SCG5: variants seen among roughly 807,000 people sequenced by gnomAD.
SCG5 encodes secretogranin V.
Under a neutral mutation model 25.7 loss-of-function variants are expected in SCG5, and 18 were observed. The observed-to-expected ratio is 0.70, with a 90% CI of 0.48 to 1.04. SCG5 has a LOEUF of 1.04. SCG5 is among the 50% of genes least tolerant of loss of function. The pLI is 0.00. For missense variants in SCG5, 206 were observed against 259.8 expected (o/e 0.79, Z 1.42); for synonymous variants, 101 against 91.7 (o/e 1.10, Z -0.58).
At chr15:32,643,319 G>A (rs2053895338) in intron 1 of SCG5, among the ~76,000 whole-genome samples, 1 of 152,182 alleles carries the variant, frequency 6.6e-6, no homozygotes, top group South Asian at 2.1e-4. Context: ...AAAATTATGA[G>A]TGAGAACCGC....
At chr15:32,667,699 GTC>G (rs2054343291) in intron 2 of SCG5, among the ~76,000 whole-genome samples, 1 of 147,876 alleles carries the variant, frequency 6.8e-6, no homozygotes, top group Non-Finnish European at 1.5e-5. Context: ...TTGAGACAGA[GTC>G]TCACTGTGTC....
At chr15:32,669,159 T>A (rs1321363776) in intron 2 of SCG5, 2 of 152,186 alleles carry the variant, frequency 1.3e-5, no homozygotes, top group Non-Finnish European at 2.9e-5. Flanking sequence ...GCACTCATTA[T>A]CATGTTAGTA....
chr15:32,665,578 A>T (rs970531032), intron 2 of SCG5: 3 of 152,172 alleles, frequency 2.0e-5, no homozygotes, highest in Non-Finnish European at 4.4e-5. Flanking sequence ...AAAATCAAGT[A>T]CTATTTGTCT....
chr15:32,649,476 A>G (rs1280885234), intron 2 of SCG5, among the ~76,000 whole-genome samples: 1 of 152,332 alleles, frequency 6.6e-6, no homozygotes, highest in African/African-American at 2.4e-5. Flanking sequence ...CCCTTTGTAC[A>G]GCGCCTACCA....
At chr15:32,664,195 G>A (rs2054283950) in intron 2 of SCG5, among the ~76,000 whole-genome samples, 1 of 152,138 alleles carries the variant, frequency 6.6e-6, no homozygotes, top group Admixed American at 6.5e-5. Flanking sequence ...TTTCATAGTA[G>A]AGAAAATGAG....
At position 32,696,640 on chromosome 15, in the gene SCG5, C is replaced by A; in HGVS notation, c.*31C>A. 1 of 1,401,184 alleles carries A rather than the reference C, an allele frequency of 7.1e-7. No individual in the cohort carries two copies. Among genetic ancestry groups the A allele is most frequent in the Non-Finnish European group, 1.0e-6 (1 of 992,328 alleles). 86.8% of individuals were successfully genotyped at this position (1,401,184 alleles called of 1,614,324 possible). A position where few individuals can be genotyped will look rare whatever the true frequency, so the allele number is the denominator to read the frequency against. ...AGATGCTAGACGAAAACCCACATTA[C>A]CTGTTAGGCCTCAGCATGGCTTATG... On this transcript the variant is annotated 3_prime_UTR_variant, in exon 6 of 6. Coordinates refer to ENST00000300175, the MANE Select transcript of SCG5 (RefSeq NM_001144757.3).
In SCG5 at chr15:32,684,589, A is replaced by G. The variant is rs745673808; in HGVS notation, c.409A>G (p.Thr137Ala). The G allele has an allele frequency of 6.2e-7, 1 of 1,613,664 alleles. No individual in the cohort carries two copies. Among genetic ancestry groups the G allele is most frequent in the Non-Finnish European group, 8.5e-7 (1 of 1,179,724 alleles). The change falls in exon 4 of 6, where the codon ACT (threonine) becomes GCT (alanine). Residue 137 changes from threonine to alanine, a missense_variant. Transcript: ENST00000300175. ...TGGATGTCTAGAAAACACCCCTGAC[A>G]CTGCAGAGTTCAGTCGAGAGTTCCA... ...DDGCLENTPD[T>A]AEFSREFQLH...
At chr15:32,680,505 G>C (rs1360955076) in intron 3 of SCG5, among the ~76,000 whole-genome samples, 1 of 152,044 alleles carries the variant, frequency 6.6e-6, no homozygotes, top group East Asian at 1.9e-4. Flanking sequence ...GCCTGCACTT[G>C]CTACTCTTTT....
intron 2 of SCG5, among the ~76,000 whole-genome samples, chr15:32,658,553 C>T (rs2054163002): frequency 6.6e-6 from 1 of 152,158 alleles, no homozygotes; most frequent in Admixed American, 6.5e-5. Context: ...AAGGCTGTCG[C>T]CAAGTTTTTC....
chr15:32,653,616 C>CA (rs1300980143), intron 2 of SCG5, among the ~76,000 whole-genome samples: 2 of 152,164 alleles, frequency 1.3e-5, no homozygotes, highest in Non-Finnish European at 2.9e-5. Context: ...ATTTGTAAGA[C>CA]AGACTGGAGA....
chr15:32,643,149 C>G lies in SCG5; in HGVS notation c.-7-437C>G, dbSNP rs539319431. Reference sequence around the variant, plus strand: ...TCTTGATTTGTGTCTTCCTGACTCCCTCCTGTTAGACTTTTATTCCCAGAG... The same window carrying G: ...TCTTGATTTGTGTCTTCCTGACTCCGTCCTGTTAGACTTTTATTCCCAGAG... On this transcript the variant is annotated intron_variant, in intron 1 of 5. Coordinates refer to ENST00000300175, the MANE Select transcript of SCG5 (RefSeq NM_001144757.3). Among the ~76,000 whole-genome samples the G allele has an allele frequency of 2.8e-4, 42 of 152,326 alleles. No homozygotes were observed. In the Middle Eastern group the frequency reaches 0.01, roughly 37 times the overall value.
chr15:32,642,936 A>G (rs564045603), intron 1 of SCG5, among the ~76,000 whole-genome samples: 1 of 152,228 alleles, frequency 6.6e-6, no homozygotes, highest in Non-Finnish European at 1.5e-5. Flanking sequence ...TCCGTTTTGC[A>G]GAGGAGGAAA....
At chr15:32,663,604 A>G (rs1166584281) in intron 2 of SCG5, among the ~76,000 whole-genome samples, 1 of 152,168 alleles carries the variant, frequency 6.6e-6, no homozygotes, top group African/African-American at 2.4e-5. Context: ...CATCAGAATT[A>G]CCTGGGAAGC....
intron 2 of SCG5, among the ~76,000 whole-genome samples, chr15:32,672,829 A>G (rs534855889): frequency 3.0e-4 from 46 of 151,570 alleles, no homozygotes; most frequent in African/African-American, 9.7e-4. Context: ...AGAATGATGA[A>G]TAGTGATTCT....
rs148304582 is a variant in SCG5, at chr15:32,662,522, T to C, written c.227-17244T>C. Among the ~76,000 whole-genome samples the C allele has an allele frequency of 3.5e-3, 538 of 151,816 alleles. 1 individual carries two copies. Among genetic ancestry groups the C allele is most frequent in the African/African-American group, 0.012 (504 of 41,558 alleles). Reference sequence around the variant, plus strand: ...GTCTCTGAAATATTTGTTAATACGATGCATTGCTTCTTTATTAGATCTAAT... The same window carrying C: ...GTCTCTGAAATATTTGTTAATACGACGCATTGCTTCTTTATTAGATCTAAT... On this transcript the variant is annotated intron_variant, in intron 2 of 5. Transcript: ENST00000300175.
chr15:32,661,211 G>T (rs1416594199), intron 2 of SCG5, among the ~76,000 whole-genome samples: 2 of 152,206 alleles, frequency 1.3e-5, no homozygotes, highest in African/African-American at 4.8e-5. Context: ...TCAGAGCAGG[G>T]TTTACACCCT....
chr15:32,680,549 A>G (rs1437638427), intron 3 of SCG5, among the ~76,000 whole-genome samples: 2 of 152,042 alleles, frequency 1.3e-5, no homozygotes, highest in Admixed American at 6.5e-5. Context: ...TTCCTTTTCC[A>G]TGATACAACT....
At chr15:32,658,581 G>A (rs2054163496) in intron 2 of SCG5, among the ~76,000 whole-genome samples, 1 of 152,162 alleles carries the variant, frequency 6.6e-6, no homozygotes, top group South Asian at 2.1e-4. Flanking sequence ...AGAGCATCTG[G>A]GCACAGTGGC....
chr15:32,672,073 C>T (rs536160461), intron 2 of SCG5, among the ~76,000 whole-genome samples: 4 of 152,346 alleles, frequency 2.6e-5, no homozygotes, highest in African/African-American at 7.2e-5. Flanking sequence ...AAAACTGGTC[C>T]GTCGCTTTCT....
Sources: allele counts gnomAD v4.1 joint callset (sites outside exome capture counted in the v4.1 genomes callset), GRCh38; gene constraint gnomAD v4.1.1; transcripts MANE v1.5; gene names NCBI Gene and HGNC (gene_info 2026-07-23, HGNC 2026-07-21).